The following SLC19A2 variants were observed in gnomAD, a reference collection of about 807,000 sequenced individuals.
SLC19A2 encodes thiamine transporter 1.
A neutral mutation model predicts 44.7 loss-of-function variants in SLC19A2; 27 were observed. The observed-to-expected ratio is 0.60, with a 90% CI of 0.45 to 0.83. The LOEUF (loss-of-function observed/expected upper bound fraction) is 0.83. Ranked by LOEUF, SLC19A2 falls within the 40% of genes least tolerant of loss-of-function variation. The pLI is 0.00. For synonymous variants in SLC19A2, 239 were observed against 243.6 expected (o/e 0.98, Z 0.18); for missense variants, 566 against 613.7 (o/e 0.92, Z 0.82).
At chr1:169,484,289 T>A (rs756480792) in intron 1 of SLC19A2, among the ~76,000 whole-genome samples, 5 of 152,214 alleles carry the variant, frequency 3.3e-5, no homozygotes, top group Non-Finnish European at 5.9e-5. Context: ...AGTAACTATA[T>A]CTCGCCAGTG....
At chr1:169,485,433 C>T in intron 1 of SLC19A2, 130 bp downstream of exon 1, 1 of 1,011,386 alleles carries the variant, frequency 9.9e-7, no homozygotes, top group South Asian at 1.4e-5. Context: ...ACGAAGCCGA[C>T]CTCCAACTGG....
intron 4 of SLC19A2, 48 bp downstream of exon 4, chr1:169,468,596 T>C (rs1392137771): frequency 6.5e-7 from 1 of 1,536,736 alleles, no homozygotes; most frequent in Non-Finnish European, 9.0e-7. Context: ...CCAAAAAATT[T>C]ATCCTGTTAC....
chr1:169,485,826 G>C lies in SLC19A2; in HGVS notation c.-60C>G. 1 of 1,486,646 alleles carries C rather than the reference G, an allele frequency of 6.7e-7. No homozygotes were observed. Among genetic ancestry groups the C allele is most frequent in the Non-Finnish European group, 8.9e-7 (1 of 1,122,910 alleles). The allele number at this position is 1,486,646 out of a possible 1,614,324, so 92.1% of individuals were successfully genotyped here. On this transcript the variant is annotated 5_prime_UTR_variant, in exon 1 of 6. Coordinates refer to ENST00000236137, the MANE Select transcript of SLC19A2 (RefSeq NM_006996.3). ...CTTCCTTCTCCTCCTCCGCCAACTG[G>C]AGTGAGGGTCAGGCACTTGTAACCG...
In SLC19A2 at chr1:169,468,687, C is replaced by T. The variant is rs1281998036; in HGVS notation, c.1180G>A (p.Val394Ile). 1.9e-6 allele frequency: 3 copies of T among 1,613,724 alleles called. No individual in the cohort carries two copies. Among genetic ancestry groups the T allele is most frequent in the East Asian group, 2.2e-5 (1 of 44,878 alleles). Residue 394 changes from valine to isoleucine, a missense_variant, in exon 4 of 6, where the codon GTT becomes ATT. Val to Ile is a conservative substitution (Grantham distance 29, BLOSUM62 3). Coordinates refer to ENST00000236137, the MANE Select transcript of SLC19A2 (RefSeq NM_006996.3). ...AACATGTAGATGATTCTGAAGACAA[C>T]ATAGGATGCATAGCACACCCAAATG... Reference protein sequence around the residue: ...GNIWVCYASYVVFRIIYMLLI... With the variant: ...GNIWVCYASYIVFRIIYMLLI...
At chr1:169,471,643 C>T (rs1006473596) in intron 2 of SLC19A2, among the ~76,000 whole-genome samples, 10 of 139,506 alleles carry the variant, frequency 7.2e-5, no homozygotes, top group South Asian at 2.3e-4. Context: ...CCAGCCTGGG[C>T]GACAGAGACA....
In SLC19A2 at chr1:169,464,891, AAAAC is replaced by A. The variant is rs1657950969; in HGVS notation, c.*954_*957del. 1 of 152,768 alleles carries A rather than the reference AAAAC, an allele frequency of 6.5e-6. No individual in the cohort carries two copies. The highest frequency in any genetic ancestry group is 2.1e-4 in the South Asian group (1 of 4,830). The allele number at this position is 152,768 out of a possible 1,614,324, so 9.5% of individuals were successfully genotyped here. A position where few individuals can be genotyped will look rare whatever the true frequency, so the allele number is the denominator to read the frequency against. ...TATTGACATCTTTACTTGGATAAGA[AAAAC>A]AAATTAATATAAAAACTATAAATAG... On this transcript the variant is annotated 3_prime_UTR_variant, in exon 6 of 6. Transcript: ENST00000236137.
chr1:169,482,996 T>C (rs1658475998), intron 1 of SLC19A2, among the ~76,000 whole-genome samples: 1 of 152,152 alleles, frequency 6.6e-6, no homozygotes, highest in Non-Finnish European at 1.5e-5. Context: ...GATAAAAAAG[T>C]TTTTAGAGAT....
rs957417037 is a variant in SLC19A2 at position 169,464,515 on chromosome 1, C to T, written c.*1334G>A. ...TTGACACACTATTATTAACACTGTT[C>T]AGCTGTGTCATTCTAAAAAAGTTAA... On this transcript the variant is annotated 3_prime_UTR_variant, in exon 6 of 6. Transcript: ENST00000236137. 1.3e-5 allele frequency: 2 copies of T among 152,160 alleles called. No homozygotes were observed. The highest frequency in any genetic ancestry group is 4.8e-5 in the African/African-American group (2 of 41,450). 9.4% of individuals were successfully genotyped at this position (152,160 alleles called of 1,614,324 possible).
Position 169,465,881 on chromosome 1 carries a change from G to C in SLC19A2, c.1462C>G (p.Pro488Ala), listed in dbSNP as rs1557887535. 1.2e-6 allele frequency: 2 copies of C among 1,613,990 alleles called. No homozygotes were observed. Among genetic ancestry groups the C allele is most frequent in the South Asian group, 2.2e-5 (2 of 91,086 alleles). The change falls in exon 6 of 6, where the codon CCA (proline) becomes GCA (alanine). Residue 488 changes from proline (P) to alanine (A), a missense_variant. Pro to Ala is a conservative substitution (Grantham distance 27, BLOSUM62 -1). Coordinates refer to ENST00000236137, the MANE Select transcript of SLC19A2 (RefSeq NM_006996.3). ...GTGGTTACTTGAGAACTTGATTGTG[G>C]ATCTTCCAGCTTTCTACATTTCTTC... ...VMKKCRKLED[P>A]QSSSQVTTS
Position 169,470,148 on chromosome 1 carries a change from T to C in SLC19A2, c.846A>G (p.Leu282=). The C allele has an allele frequency of 1.2e-6, 2 of 1,614,002 alleles. No individual in the cohort carries two copies. Among genetic ancestry groups the C allele is most frequent in the South Asian group, 1.1e-5 (1 of 91,072 alleles). The part of the protein sequence containing the change: ...KPDRLLVLKV[L]WNDFLMCYSS... Reference sequence around the variant, plus strand: ...AGTAGCACATCAGGAAATCATTCCATAGTACTTTCAATACAAGGAGACGGT... The same window carrying C: ...AGTAGCACATCAGGAAATCATTCCACAGTACTTTCAATACAAGGAGACGGT... Residue 282 remains leucine (L), a synonymous_variant, in exon 3 of 6, where the codon CTA becomes CTG. Coordinates refer to ENST00000236137, the MANE Select transcript of SLC19A2 (RefSeq NM_006996.3).
chr1:169,474,141 T>TGAGG (rs1458482828), intron 2 of SLC19A2: 2 of 152,162 alleles, frequency 1.3e-5, no homozygotes, highest in Non-Finnish European at 2.9e-5. Context: ...TGGGTTTTGG[T>TGAGG]GAGGGAGGTA....
At chr1:169,471,308 T>C (rs1006174059) in intron 2 of SLC19A2, among the ~76,000 whole-genome samples, 2 of 152,034 alleles carry the variant, frequency 1.3e-5, no homozygotes, top group Non-Finnish European at 2.9e-5. Context: ...TTATTTTTTA[T>C]ATAGCTTTCT....
intron 1 of SLC19A2, 112 bp from the exon 2 acceptor site, chr1:169,477,869 A>C: frequency 1.9e-6 from 2 of 1,052,528 alleles, no homozygotes; most frequent in Non-Finnish European, 2.8e-6. Flanking sequence ...AAAGATCTCA[A>C]CCTTGACAAC....
chr1:169,466,697 C>A (rs1330839900), intron 5 of SLC19A2, among the ~76,000 whole-genome samples: 1 of 152,064 alleles, frequency 6.6e-6, no homozygotes, highest in Non-Finnish European at 1.5e-5. Flanking sequence ...TCCCACCCCC[C>A]AACAGGCCCC....
chr1:169,466,405 G>A (rs1657992941), intron 5 of SLC19A2, among the ~76,000 whole-genome samples: 1 of 150,884 alleles, frequency 6.6e-6, no homozygotes, highest in African/African-American at 2.4e-5. Flanking sequence ...TGATAGGTGG[G>A]TACAAATAGG....
intron 2 of SLC19A2, among the ~76,000 whole-genome samples, chr1:169,475,540 CTG>C (rs1451682254): frequency 1.3e-5 from 2 of 152,168 alleles, no homozygotes; most frequent in African/African-American, 4.8e-5. Context: ...GCTAAAGCCA[CTG>C]TAACACATTC....
In SLC19A2 at chr1:169,485,833, G is replaced by A. The variant is rs1183911612; in HGVS notation, c.-67C>T. ...CTCCTCCTCCGCCAACTGGAGTGAG[G>A]GTCAGGCACTTGTAACCGCGAGTGA... On this transcript the variant is annotated 5_prime_UTR_variant, in exon 1 of 6. Transcript: ENST00000236137. 1.3e-5 allele frequency: 19 copies of A among 1,469,186 alleles called. No individual in the cohort carries two copies. Among genetic ancestry groups the A allele is most frequent in the Non-Finnish European group, 2.7e-6 (3 of 1,112,258 alleles). The allele number at this position is 1,469,186 out of a possible 1,614,324, so 91.0% of individuals were successfully genotyped here.
chr1:169,483,710 C>T (rs1470598937), intron 1 of SLC19A2, among the ~76,000 whole-genome samples: 1 of 152,198 alleles, frequency 6.6e-6, no homozygotes, highest in Non-Finnish European at 1.5e-5. Flanking sequence ...ACCCAGAGCA[C>T]ATGACAAAAC....
At chr1:169,468,427 C>CA in intron 4 of SLC19A2, 175 bp from the exon 5 acceptor site, 1 of 704,210 alleles carries the variant, frequency 1.4e-6, no homozygotes, top group Non-Finnish European at 2.3e-6. Flanking sequence ...AAATCTCATG[C>CA]AAACATCTGA....
Sources: gnomAD v4.1 joint callset for allele counts (sites outside exome capture counted in the v4.1 genomes callset) on GRCh38, gnomAD v4.1.1 for gene constraint, MANE v1.5 for transcripts, NCBI Gene and HGNC (gene_info 2026-07-23, HGNC 2026-07-21) for gene names.